Variants in CNMD observed in about 807,000 individuals in gnomAD.
CNMD encodes leukocyte cell-derived chemotaxin 1.
A neutral mutation model predicts 37.5 loss-of-function variants in CNMD; 30 were observed. The observed-to-expected ratio is 0.80, with a 90% CI of 0.60 to 1.09. The LOEUF (loss-of-function observed/expected upper bound fraction) is 1.09. Ranked by LOEUF, CNMD falls within the 50% of genes least tolerant of loss-of-function variation. CNMD has a pLI of 0.00. For synonymous variants in CNMD, 167 were observed against 148.2 expected (o/e 1.13, Z -0.92); for missense variants, 398 against 423.9 (o/e 0.94, Z 0.54).
intron 3 of CNMD, 126 bp from the exon 4 acceptor site, chr13:52,724,236 G>C (rs939519737): frequency 4.3e-6 from 3 of 703,938 alleles, no homozygotes; most frequent in Admixed American, 2.3e-5. Flanking sequence ...AGATGGAACT[G>C]CCCTCATGGA....
In CNMD at chr13:52,725,571, G is replaced by A. The variant is rs145359355; in HGVS notation, c.355-1461C>T. Reference sequence around the variant, plus strand: ...ATTCTACCCACAGAGGACATGAGGGGTAACAGGATGCTCTGTCCCAAGAAT... The same window carrying A: ...ATTCTACCCACAGAGGACATGAGGGATAACAGGATGCTCTGTCCCAAGAAT... On this transcript the variant is annotated intron_variant, in intron 3 of 6. Transcript: ENST00000377962. 3.4e-3 allele frequency among the ~76,000 whole-genome samples: 511 copies of A among 152,298 alleles called. 3 individuals are homozygous for A. Among genetic ancestry groups the A allele is most frequent in the African/African-American group, 0.011 (462 of 41,554 alleles).
chr13:52,726,677 GGAA>G (rs1249014028), intron 3 of CNMD, among the ~76,000 whole-genome samples: 1 of 151,952 alleles, frequency 6.6e-6, no homozygotes, highest in Non-Finnish European at 1.5e-5. Flanking sequence ...CAAGGACACA[GGAA>G]GCATGAAAAA....
chr13:52,736,778 G>A (rs977427683), intron 2 of CNMD, among the ~76,000 whole-genome samples: 1 of 152,170 alleles, frequency 6.6e-6, no homozygotes, highest in African/African-American at 2.4e-5. Flanking sequence ...TTGGGAAAAT[G>A]TCTAGAAAAA....
intron 6 of CNMD, among the ~76,000 whole-genome samples, chr13:52,706,970 C>T (rs1295013712): frequency 2.0e-5 from 3 of 152,046 alleles, no homozygotes; most frequent in African/African-American, 4.8e-5. Context: ...CTTGGCTCAC[C>T]GCAACCTCAG....
chr13:52,730,350 G>A (rs1964644257), intron 3 of CNMD, among the ~76,000 whole-genome samples: 1 of 152,076 alleles, frequency 6.6e-6, no homozygotes, highest in Non-Finnish European at 1.5e-5. Context: ...TAATGGGATG[G>A]CTGGGTCAAA....
At chr13:52,724,208 G>A in intron 3 of CNMD, 98 bp from the exon 4 acceptor site, 2 of 855,492 alleles carry the variant, frequency 2.3e-6, no homozygotes, top group South Asian at 2.9e-5. Flanking sequence ...GGGTGCTAGG[G>A]ATAGGGATGA....
At chr13:52,728,216 T>C (rs889013567) in intron 3 of CNMD, among the ~76,000 whole-genome samples, 3 of 151,886 alleles carry the variant, frequency 2.0e-5, no homozygotes, top group Non-Finnish European at 2.9e-5. Flanking sequence ...TGAAACCCCA[T>C]CTCTACTAAA....
chr13:52,723,373 A>C (rs932732766), intron 4 of CNMD, among the ~76,000 whole-genome samples: 1 of 152,194 alleles, frequency 6.6e-6, no homozygotes, highest in East Asian at 1.9e-4. Context: ...GATTACCAGC[A>C]TGAGCCACCA....
At chr13:52,708,730 T>TTAA in intron 5 of CNMD, 28 bp from the exon 6 acceptor site, 1 of 1,513,332 alleles carries the variant, frequency 6.6e-7, no homozygotes, top group Non-Finnish European at 9.0e-7. Flanking sequence ...AATTAATCCC[T>TTAA]TTATTTGAAT....
intron 3 of CNMD, among the ~76,000 whole-genome samples, chr13:52,728,190 A>G (rs1219430569): frequency 6.6e-6 from 1 of 152,170 alleles, no homozygotes; most frequent in Non-Finnish European, 1.5e-5. Flanking sequence ...GATGGAGACC[A>G]TCCTGGCCAA....
intron 2 of CNMD, among the ~76,000 whole-genome samples, chr13:52,734,274 G>A (rs1964721414): frequency 6.6e-6 from 1 of 152,194 alleles, no homozygotes; most frequent in African/African-American, 2.4e-5. Flanking sequence ...CCCGGGCATG[G>A]CCTAGAGGTG....
At chr13:52,709,772 A>AGT (rs1456364257) in intron 5 of CNMD, among the ~76,000 whole-genome samples, 4 of 152,210 alleles carry the variant, frequency 2.6e-5, no homozygotes, top group Non-Finnish European at 5.9e-5. Context: ...CAGGAGTTCG[A>AGT]GACCAGCCTG....
chr13:52,723,518 C>T (rs1440143090), intron 4 of CNMD, among the ~76,000 whole-genome samples: 1 of 152,202 alleles, frequency 6.6e-6, no homozygotes, highest in African/African-American at 2.4e-5. Context: ...TATACTATAT[C>T]ATGTGAGAAG....
chr13:52,730,151 C>G (rs1022912288), intron 3 of CNMD, among the ~76,000 whole-genome samples: 1 of 152,066 alleles, frequency 6.6e-6, no homozygotes, highest in Non-Finnish European at 1.5e-5. Flanking sequence ...AGGACATGAA[C>G]TCATCATTTT....
intron 6 of CNMD, among the ~76,000 whole-genome samples, chr13:52,705,831 T>C (rs1194287159): frequency 6.6e-6 from 1 of 152,210 alleles, no homozygotes; most frequent in East Asian, 1.9e-4. Flanking sequence ...ATAAAGGGGC[T>C]GATGCCCTCA....
intron 2 of CNMD, among the ~76,000 whole-genome samples, chr13:52,737,746 A>G (rs1964796102): frequency 1.3e-5 from 2 of 152,226 alleles, no homozygotes; most frequent in African/African-American, 4.8e-5. Context: ...AAACCCTGCT[A>G]TTAATGGAGA....
chr13:52,706,925 ACT>A (rs1430400726), intron 6 of CNMD, among the ~76,000 whole-genome samples: 1 of 151,876 alleles, frequency 6.6e-6, no homozygotes, highest in Non-Finnish European at 1.5e-5. Context: ...TTGAAGTCTC[ACT>A]CTGTCACCCA....
chr13:52,736,286 G>A (rs1041840848), intron 2 of CNMD, among the ~76,000 whole-genome samples: 2 of 152,306 alleles, frequency 1.3e-5, no homozygotes, highest in African/African-American at 2.4e-5. Flanking sequence ...GAGCCACCGC[G>A]CCCGGCCTTT....
At chr13:52,714,841 G>A (rs374371745) in intron 4 of CNMD, among the ~76,000 whole-genome samples, 1 of 151,962 alleles carries the variant, frequency 6.6e-6, no homozygotes, top group African/African-American at 2.4e-5. Context: ...TGCAATTGTA[G>A]GTAATTTTAT....
Sources: gnomAD v4.1 joint callset for allele counts (sites outside exome capture counted in the v4.1 genomes callset) on GRCh38, gnomAD v4.1.1 for gene constraint, MANE v1.5 for transcripts, NCBI Gene and HGNC (gene_info 2026-07-23, HGNC 2026-07-21) for gene names.